Variants in EFCC1 observed in about 807,000 individuals in gnomAD.
EFCC1 encodes EF-hand and coiled-coil domain-containing protein 1.
In EFCC1, 50 loss-of-function variants were observed where a neutral mutation model predicts 52.1. The observed-to-expected ratio is 0.96, with a 90% CI of 0.76 to 1.21. EFCC1 has a LOEUF of 1.21. Among genes scored for constraint, EFCC1 ranks in the 50% most tolerant of loss-of-function variants. EFCC1 has a pLI of 0.00. For missense variants in EFCC1, 837 were observed against 867.3 expected, an observed-to-expected ratio of 0.97 and a Z score of 0.44; for synonymous variants, 399 against 396.5, an observed-to-expected ratio of 1.01 and a Z score of -0.08.
intron 2 of EFCC1, among the ~76,000 whole-genome samples, chr3:129,013,227 A>G (rs1262342255): frequency 6.6e-6 from 1 of 152,140 alleles, no homozygotes; most frequent in Admixed American, 6.5e-5. Context: ...GGATATAGAC[A>G]GTCAAAGTGG....
intron 6 of EFCC1, 83 bp from the exon 7 acceptor site, chr3:129,038,748 C>T (rs574287825): frequency 7.2e-7 from 1 of 1,391,504 alleles, no homozygotes; most frequent in African/African-American, 1.4e-5. Context: ...TGCCTAGAAG[C>T]CCGTAGGGGC....
intron 2 of EFCC1, among the ~76,000 whole-genome samples, chr3:129,028,377 C>A (rs528639029): frequency 9.9e-5 from 15 of 151,994 alleles, no homozygotes; most frequent in Non-Finnish European, 1.9e-4. Context: ...AACCACCGTG[C>A]CCAGTCTAGC....
At position 129,003,918 on chromosome 3, in the gene EFCC1, T is replaced by G; in HGVS notation, c.821T>G (p.Leu274Arg). The G allele has an allele frequency of 7.4e-7, 1 of 1,358,454 alleles. No homozygotes were observed. Among genetic ancestry groups the G allele is most frequent in the African/African-American group, 1.5e-5 (1 of 65,042 alleles). The allele number at this position is 1,358,454 out of a possible 1,614,324, so 84.2% of individuals were successfully genotyped here. A position where few individuals can be genotyped will look rare whatever the true frequency, so the allele number is the denominator to read the frequency against. ...GCGGCGGAGGCCCGCGCTGGGCGGC[T>G]GCGCCGTGGCCAGGCCGAGGTGCGG... ...LAAAEARAGR[L>R]RRGQAEVRRR... The change falls in exon 2 of 8, where the codon CTG (leucine) becomes CGG (arginine). Residue 274 changes from leucine to arginine, a missense_variant. By Grantham distance (102) the Leu-to-Arg change is moderately radical. Coordinates refer to ENST00000683648, the MANE Select transcript of EFCC1 (RefSeq NM_001377500.1).
At chr3:129,022,410 A>AG (rs1945895627) in intron 2 of EFCC1, among the ~76,000 whole-genome samples, 1 of 152,172 alleles carries the variant, frequency 6.6e-6, no homozygotes, top group Admixed American at 6.5e-5. Flanking sequence ...GAACTGAAGG[A>AG]GGGGTCTGTT....
intron 4 of EFCC1, among the ~76,000 whole-genome samples, chr3:129,033,867 A>G (rs182864216): frequency 2.0e-4 from 30 of 152,352 alleles, no homozygotes; most frequent in Admixed American, 7.2e-4. Context: ...AGGGAAGAGC[A>G]AGTGCAGAGG....
chr3:129,026,331 T>A (rs1946106903), intron 2 of EFCC1, among the ~76,000 whole-genome samples: 1 of 151,976 alleles, frequency 6.6e-6, no homozygotes, highest in South Asian at 2.1e-4. Flanking sequence ...CTCATTTTGC[T>A]TGTTGAAACC....
At chr3:129,036,230 C>A (rs867808070) in intron 5 of EFCC1, among the ~76,000 whole-genome samples, 5 of 152,232 alleles carry the variant, frequency 3.3e-5, no homozygotes, top group Non-Finnish European at 5.9e-5. Context: ...AATTAGCTGG[C>A]CTTCCAGTCA....
Position 129,001,977 on chromosome 3 carries a change from T to C in EFCC1, c.349T>C (p.Leu117=), listed in dbSNP as rs1944790752. The change falls in exon 1 of 8, where the codon TTG becomes CTG. Residue 117 remains leucine, a synonymous_variant. Coordinates refer to ENST00000683648, the MANE Select transcript of EFCC1 (RefSeq NM_001377500.1). ...DVTPGDAAAE[L]ATDGDSDTDE... is the part of the protein sequence containing the mutation. ...GACCCCCGGGGATGCGGCCGCTGAG[T>C]TGGCCACGGACGGGGACTCAGATAC... is the stretch of plus-strand genomic sequence containing the variant. 7 of 1,544,950 alleles carry C rather than the reference T, an allele frequency of 4.5e-6. No homozygotes were observed. Among genetic ancestry groups the C allele is most frequent in the African/African-American group, 1.4e-5 (1 of 72,278 alleles).
chr3:129,022,928 G>A (rs1945925909), intron 2 of EFCC1, among the ~76,000 whole-genome samples: 1 of 152,200 alleles, frequency 6.6e-6, no homozygotes, highest in Non-Finnish European at 1.5e-5. Context: ...CCCAAGCTGT[G>A]GTTTGGAGCT....
At chr3:129,026,369 C>A (rs1946109078) in intron 2 of EFCC1, among the ~76,000 whole-genome samples, 1 of 151,976 alleles carries the variant, frequency 6.6e-6, no homozygotes, top group Non-Finnish European at 1.5e-5. Context: ...ATAGAAGAAG[C>A]AGCAGCATCT....
At chr3:129,009,188 T>C (rs956881392) in intron 2 of EFCC1, among the ~76,000 whole-genome samples, 1 of 152,180 alleles carries the variant, frequency 6.6e-6, no homozygotes, top group South Asian at 2.1e-4. Flanking sequence ...TTCTCTCTCT[T>C]TTCTTCCTTT....
chr3:129,034,193 TGACTTACTTTG>T lies in EFCC1; in HGVS notation c.1318_1328del (p.Thr440SerfsTer39), dbSNP rs770228337. The T allele has an allele frequency of 6.2e-7, 1 of 1,614,238 alleles. No individual in the cohort carries two copies. The highest frequency in any genetic ancestry group is 1.1e-5 in the South Asian group (1 of 91,090). On this transcript the variant is annotated frameshift_variant, in exon 5 of 8. Transcript: ENST00000683648. LOFTEE classifies it high-confidence loss of function. ...GATGACCAGACGGCGGAGAAGCTCA[TGACTTACTTTG>T]GTCACTTCGGCGGTGCCAACCATGC...
chr3:129,027,333 GCC>G (rs1219443829), intron 2 of EFCC1, among the ~76,000 whole-genome samples: 1 of 152,158 alleles, frequency 6.6e-6, no homozygotes, highest in Non-Finnish European at 1.5e-5. Flanking sequence ...CGGCGCCCGT[GCC>G]CCGTTTGGGC....
rs1479867511 is a variant in EFCC1, at chr3:129,001,871, G to T, written c.243G>T (p.Ala81=). The change falls in exon 1 of 8, where the codon GCG becomes GCT. Residue 81 remains alanine (A), a synonymous_variant. Transcript: ENST00000683648. ...GTCTGCCCCGCGCCGACTTCCGAGC[G>T]CTCTGCGCTGTGCTGGGGCTGCGCG... ...AGRLPRADFR[A]LCAVLGLRAE... 6.5e-7 allele frequency: 1 copy of T among 1,546,064 alleles called. No individual in the cohort carries two copies. The highest frequency in any genetic ancestry group is 2.0e-5 in the Admixed American group (1 of 50,816).
Position 129,032,849 on chromosome 3 carries a change from AGGGCCAGGCCGCCTCTGACGAG to A in EFCC1, c.1171_1192del (p.Gly391ArgfsTer42). On this transcript the variant is annotated frameshift_variant, in exon 4 of 8. Coordinates refer to ENST00000683648, the MANE Select transcript of EFCC1 (RefSeq NM_001377500.1). LOFTEE classifies it high-confidence loss of function. ...GACGAGCAGCTGTTCCGCTCCGTGG[AGGGCCAGGCCGCCTCTGACGAG>A]GAGGAGGTGGAGGAGGAGAGGTGGC... is the stretch of plus-strand genomic sequence containing the variant. 1 of 1,551,408 alleles carries A rather than the reference AGGGCCAGGCCGCCTCTGACGAG, an allele frequency of 6.4e-7. No individual in the cohort carries two copies. The highest frequency in any genetic ancestry group is 8.7e-7 in the Non-Finnish European group (1 of 1,146,920).
Position 129,002,130 on chromosome 3 carries a change from G to A in EFCC1, c.502G>A (p.Glu168Lys), listed in dbSNP as rs559054712. 3 of 1,473,354 alleles carry A rather than the reference G, an allele frequency of 2.0e-6. No homozygotes were observed. The highest frequency in any genetic ancestry group is 2.6e-5 in the Admixed American group (1 of 39,094). 91.3% of individuals were successfully genotyped at this position (1,473,354 alleles called of 1,614,324 possible). A position where few individuals can be genotyped will look rare whatever the true frequency, so the allele number is the denominator to read the frequency against. Residue 168 changes from glutamate (E) to lysine (K), a missense_variant, in exon 1 of 8, where the codon GAG (glutamate) becomes AAG (lysine). Transcript: ENST00000683648. ...GPRLPRGALS[E>K]HIETQIRLRR... ...CCGGCTGCCCCGCGGCGCTCTCAGC[G>A]AGCACATCGAGACGCAGATCCGCCT...
intron 4 of EFCC1, among the ~76,000 whole-genome samples, chr3:129,033,589 G>A (rs1201704222): frequency 6.6e-6 from 1 of 152,216 alleles, no homozygotes; most frequent in Non-Finnish European, 1.5e-5. Context: ...GTAAAATGCT[G>A]TTGATTTTCT....
Position 129,003,904 on chromosome 3 carries a change from C to T in EFCC1, c.807C>T (p.Ala269=). The T allele has an allele frequency of 1.5e-6, 2 of 1,349,978 alleles. No homozygotes were observed. The highest frequency in any genetic ancestry group is 9.5e-7 in the Non-Finnish European group (1 of 1,055,574). The allele number at this position is 1,349,978 out of a possible 1,614,324, so 83.6% of individuals were successfully genotyped here. ...QAQGALAAAE[A]RAGRLRRGQA... is the part of the protein sequence containing the mutation. ...AGGGCGCCCTGGCTGCGGCGGAGGC[C>T]CGCGCTGGGCGGCTGCGCCGTGGCC... The change falls in exon 2 of 8, where the codon GCC becomes GCT. Residue 269 remains alanine, a synonymous_variant. Transcript: ENST00000683648.
intron 3 of EFCC1, among the ~76,000 whole-genome samples, chr3:129,032,032 C>T (rs1946283095): frequency 6.6e-6 from 1 of 152,148 alleles, no homozygotes; most frequent in Non-Finnish European, 1.5e-5. Flanking sequence ...GGTTGGGCAG[C>T]AGAACACCAG....
Sources: gnomAD v4.1 joint callset for allele counts (sites outside exome capture counted in the v4.1 genomes callset) on GRCh38, gnomAD v4.1.1 for gene constraint, MANE v1.5 for transcripts, NCBI Gene and HGNC (gene_info 2026-07-23, HGNC 2026-07-21) for gene names.